BCL11B: variants seen among roughly 807,000 people sequenced by gnomAD.
BCL11B encodes B-cell lymphoma/leukemia 11B.
In BCL11B, 8 loss-of-function variants were observed where a neutral mutation model predicts 49.9. The ratio of observed to expected loss-of-function variants is 0.16; its 90% CI spans 0.09 to 0.29. The LOEUF (loss-of-function observed/expected upper bound fraction) is 0.29. Among genes scored for constraint, BCL11B ranks in the 10% least tolerant of loss-of-function variants. The pLI, the probability that BCL11B is intolerant of heterozygous loss-of-function variation, is 1.00. For missense variants in BCL11B, 1,006 were observed against 1,351.0 expected (o/e 0.74, Z 4.00); for synonymous variants, 739 against 637.4 (o/e 1.16, Z -2.40).
rs770601161 is a variant in BCL11B, at chr14:99,175,577, G to C, written c.1259C>G (p.Pro420Arg). ...PPMPPGGTPPPQPPAKSKSCE... is the reference protein window; with the variant it reads ...PPMPPGGTPPRQPPAKSKSCE... ...CGACTTGCTCTTGGCTGGCGGCTGC[G>C]GGGGCGGCGTGCCGCCAGGGGGCAT... Residue 420 changes from proline to arginine, a missense_variant, in exon 4 of 4, where the codon CCG becomes CGG. Physicochemically the swap from Pro to Arg is moderately radical, Grantham distance 103. Around this residue, in one of 6 missense-constraint regions of BCL11B, gnomAD observed 97 missense variants for 81.5 expected, o/e 1.19. Transcript: ENST00000357195. The C allele has an allele frequency of 1.3e-6, 2 of 1,584,868 alleles. No individual in the cohort carries two copies. The highest frequency in any genetic ancestry group is 1.7e-6 in the Non-Finnish European group (2 of 1,167,102).
At chr14:99,207,485 T>C (rs977775469) in intron 3 of BCL11B, among the ~76,000 whole-genome samples, 1 of 152,166 alleles carries the variant, frequency 6.6e-6, no homozygotes, top group Non-Finnish European at 1.5e-5. Context: ...TCCAGTGCCC[T>C]TCCTGTTTCT....
chr14:99,171,664 CT>C lies in BCL11B; in HGVS notation c.*2486del. 4.8e-6 allele frequency: 1 copy of C among 206,754 alleles called. No individual in the cohort carries two copies. Among genetic ancestry groups the C allele is most frequent in the Non-Finnish European group, 9.9e-6 (1 of 101,436 alleles). 12.8% of individuals were successfully genotyped at this position (206,754 alleles called of 1,614,324 possible). A position where few individuals can be genotyped will look rare whatever the true frequency, so the allele number is the denominator to read the frequency against. On this transcript the variant is annotated 3_prime_UTR_variant, in exon 4 of 4. Coordinates refer to ENST00000357195, the MANE Select transcript of BCL11B (RefSeq NM_138576.4). ...ATATTAAGCACTTTTTTTCTACATACTTTTTCTACATGGTGTAGCAATCCCC... is the reference window on the plus strand; with the variant it reads ...ATATTAAGCACTTTTTTTCTACATACTTTTCTACATGGTGTAGCAATCCCC...
At chr14:99,217,733 C>A (rs1887894202) in intron 3 of BCL11B, among the ~76,000 whole-genome samples, 1 of 152,112 alleles carries the variant, frequency 6.6e-6, no homozygotes, top group Admixed American at 6.5e-5. Flanking sequence ...TGGTGGAACA[C>A]CTCTCCTCAA....
rs966722975 is a variant in BCL11B, at chr14:99,271,729, G to GA, written c.-512dup. Among the ~76,000 whole-genome samples the GA allele has an allele frequency of 2.7e-5, 4 of 146,818 alleles. No individual in the cohort carries two copies. The highest frequency in any genetic ancestry group is 4.3e-4 in the South Asian group (2 of 4,680). On this transcript the variant is annotated 5_prime_UTR_variant, in exon 1 of 4. Transcript: ENST00000357195. Reference sequence around the variant, plus strand: ...GGAAAGCGCACTTCTACCAGGAGGGGAAAAAAAATGCAAACAAATAAAAAA... The same window carrying GA: ...GGAAAGCGCACTTCTACCAGGAGGGGAAAAAAAAATGCAAACAAATAAAAAA...
chr14:99,226,519 C>A (rs1363842687), intron 3 of BCL11B, among the ~76,000 whole-genome samples: 1 of 152,234 alleles, frequency 6.6e-6, no homozygotes, highest in Non-Finnish European at 1.5e-5. Flanking sequence ...TTTGGCTTCC[C>A]ATGGATCCTC....
chr14:99,240,084 C>T (rs1200351591), intron 2 of BCL11B, among the ~76,000 whole-genome samples: 1 of 152,052 alleles, frequency 6.6e-6, no homozygotes, highest in African/African-American at 2.4e-5. Flanking sequence ...TAAAACTCTA[C>T]CTGAGCCATA....
rs35703913 is a variant in BCL11B, at chr14:99,179,473, TAAAAAAAAAA to T, written c.641-3288_641-3279del. On this transcript the variant is annotated intron_variant, in intron 3 of 3. Coordinates refer to ENST00000357195, the MANE Select transcript of BCL11B (RefSeq NM_138576.4). The stretch of plus-strand genomic sequence containing the variant: ...TGGGCGACAGAATGAGAATCCATCT[TAAAAAAAAAA>T]AAAAAAAAAAAAAAAAGCTTCTAAA... Among the ~76,000 whole-genome samples, 494 of 54,580 alleles carry T rather than the reference TAAAAAAAAAA, an allele frequency of 9.1e-3. 5 individuals carry two copies. Among genetic ancestry groups the T allele is most frequent in the African/African-American group, 0.031 (455 of 14,664 alleles). 35.8% of individuals were successfully genotyped at this position (54,580 alleles called of 152,430 possible).
chr14:99,196,070 T>C (rs1318279295), intron 3 of BCL11B, among the ~76,000 whole-genome samples: 1 of 152,006 alleles, frequency 6.6e-6, no homozygotes, highest in African/African-American at 2.4e-5. Flanking sequence ...ACCCCAGCGG[T>C]CCGAGGCTTC....
rs943741557 is a variant in BCL11B at position 99,170,261 on chromosome 14, CT to C, written c.*3889del. ...AGCTTTCTCTCCCATTCCCTCCCCC[CT>C]TTTTTTTAACTTTGCAAAGGTAAGT... On this transcript the variant is annotated 3_prime_UTR_variant, in exon 4 of 4. Coordinates refer to ENST00000357195, the MANE Select transcript of BCL11B (RefSeq NM_138576.4). 2.9e-4 allele frequency: 65 copies of C among 220,474 alleles called. No homozygotes were observed. Among genetic ancestry groups the C allele is most frequent in the African/African-American group, 4.7e-4 (21 of 44,654 alleles). The allele number at this position is 220,474 out of a possible 1,614,324, so 13.7% of individuals were successfully genotyped here.
Position 99,175,667 on chromosome 14 carries a change from C to G in BCL11B, c.1169G>C (p.Arg390Pro). ...VSPGRGNPMH[R>P]LLNPFQPSPK... is the part of the protein sequence containing the mutation. ...GCTGGGCTGGAAGGGGTTCAGGAGC[C>G]GGTGCATAGGGTTGCCGCGGCCCGG... Residue 390 changes from arginine to proline, a missense_variant, in exon 4 of 4, where the codon CGG becomes CCG. Physicochemically the swap from Arg to Pro is moderately radical, Grantham distance 103 (BLOSUM62 -2). Coordinates refer to ENST00000357195, the MANE Select transcript of BCL11B (RefSeq NM_138576.4). 1 of 1,554,300 alleles carries G rather than the reference C, an allele frequency of 6.4e-7. No individual in the cohort carries two copies. Among genetic ancestry groups the G allele is most frequent in the Non-Finnish European group, 8.6e-7 (1 of 1,161,632 alleles).
chr14:99,217,385 G>GAC (rs112404818), intron 3 of BCL11B, among the ~76,000 whole-genome samples: 4,017 of 131,048 alleles, frequency 0.031, 65 homozygotes, highest in South Asian at 0.055. Context: ...CACACATACA[G>GAC]ACACACACAC....
chr14:99,178,675 C>G (rs2693677), intron 3 of BCL11B, among the ~76,000 whole-genome samples: 36,215 of 152,150 alleles, frequency 0.24, 5,051 homozygotes, highest in Middle Eastern at 0.38. Flanking sequence ...GGGAACAAGG[C>G]AGAATAAATA....
At chr14:99,237,753 A>T (rs1285936533) in intron 2 of BCL11B, among the ~76,000 whole-genome samples, 1 of 152,194 alleles carries the variant, frequency 6.6e-6, no homozygotes, top group Non-Finnish European at 1.5e-5. Context: ...CGGGAGACAT[A>T]AAAACAGTTC....
intron 3 of BCL11B, among the ~76,000 whole-genome samples, chr14:99,203,166 ATGTGTT>A (rs1887435781): frequency 6.6e-6 from 1 of 152,116 alleles, no homozygotes; most frequent in African/African-American, 2.4e-5. Context: ...CCACTGCCCC[ATGTGTT>A]CCCGTTCTCG....
In BCL11B at chr14:99,172,207, T is replaced by C. The variant is rs1285843309; in HGVS notation, c.*1944A>G. The C allele has an allele frequency of 4.5e-6, 1 of 224,458 alleles. No homozygotes were observed. The highest frequency in any genetic ancestry group is 8.9e-6 in the Non-Finnish European group (1 of 112,268). The allele number at this position is 224,458 out of a possible 1,614,324, so 13.9% of individuals were successfully genotyped here. On this transcript the variant is annotated 3_prime_UTR_variant, in exon 4 of 4. Coordinates refer to ENST00000357195, the MANE Select transcript of BCL11B (RefSeq NM_138576.4). Reference sequence around the variant, plus strand: ...TTGTTTTGCTTTTCATTCAACGATATCAACTTGTAACTTGTGTCACTTGAG... The same window carrying C: ...TTGTTTTGCTTTTCATTCAACGATACCAACTTGTAACTTGTGTCACTTGAG...
chr14:99,251,118 G>A (rs1276898763), intron 2 of BCL11B, among the ~76,000 whole-genome samples: 1 of 152,156 alleles, frequency 6.6e-6, no homozygotes, highest in Non-Finnish European at 1.5e-5. Flanking sequence ...CTACAGGGGT[G>A]GGCACCCTGG....
intron 3 of BCL11B, among the ~76,000 whole-genome samples, chr14:99,219,974 T>G (rs1887960958): frequency 6.6e-6 from 1 of 152,108 alleles, no homozygotes; most frequent in Non-Finnish European, 1.5e-5. Flanking sequence ...TGGCTGAGGC[T>G]GGATTCAAAC....
chr14:99,249,394 G>A (rs561576924), intron 2 of BCL11B, among the ~76,000 whole-genome samples: 75 of 152,122 alleles, frequency 4.9e-4, no homozygotes, highest in Non-Finnish European at 9.0e-4. Context: ...CCAACCCATC[G>A]CCTAGGTATT....
chr14:99,177,093 G>A (rs1886557550), intron 3 of BCL11B, among the ~76,000 whole-genome samples: 1 of 152,094 alleles, frequency 6.6e-6, no homozygotes, highest in African/African-American at 2.4e-5. Flanking sequence ...GGCTACTACT[G>A]TGACAGCTGC....
Sources: gnomAD v4.1 joint callset for allele counts (sites outside exome capture counted in the v4.1 genomes callset) on GRCh38, gnomAD v4.1.1 for gene constraint, gnomAD v4.1.1 regional missense constraint, MANE v1.5 for transcripts, NCBI Gene and HGNC (gene_info 2026-07-23, HGNC 2026-07-21) for gene names.